Variants in DRC5 observed in about 807,000 individuals in gnomAD.
DRC5 encodes the protein T-complex-associated testis-expressed protein 1.
the DRC5 span, chr6:44,287,814 G>C: frequency 6.2e-7 from 1 of 1,613,640 alleles, no homozygotes; most frequent in Non-Finnish European, 8.5e-7. Context: ...ATGTCGTTAC[G>C]GTATCCTGCA....
the DRC5 span, among the ~76,000 whole-genome samples, chr6:44,293,620 G>T: frequency 2.6e-5 from 4 of 152,148 alleles, no homozygotes; most frequent in Non-Finnish European, 5.9e-5. Flanking sequence ...CCTACCTCTA[G>T]CCACAATACA....
the DRC5 span, among the ~76,000 whole-genome samples, chr6:44,295,244 G>A: frequency 6.6e-6 from 1 of 152,188 alleles, no homozygotes; most frequent in Non-Finnish European, 1.5e-5. Flanking sequence ...GGTACGTCTT[G>A]TGCCACCACC....
At chr6:44,286,404 T>C in the DRC5 span, 1 of 1,614,186 alleles carries the variant, frequency 6.2e-7, no homozygotes. Context: ...CAGCGATGCA[T>C]GCAGCAGCGG....
At chr6:44,287,218 G>A in the DRC5 span, 1 of 985,376 alleles carries the variant, frequency 1.0e-6, no homozygotes, top group Non-Finnish European at 1.2e-6. Flanking sequence ...TCAGAGTAGA[G>A]GGCGGTTCAC....
At chr6:44,286,811 G>A in the DRC5 span, among the ~76,000 whole-genome samples, 1 of 152,198 alleles carries the variant, frequency 6.6e-6, no homozygotes, top group Non-Finnish European at 1.5e-5. Flanking sequence ...ATTATCACCT[G>A]GTCTGATGGG....
the DRC5 span, among the ~76,000 whole-genome samples, chr6:44,291,174 C>T: frequency 6.6e-6 from 1 of 152,132 alleles, no homozygotes; most frequent in Non-Finnish European, 1.5e-5. Context: ...AACATCCATA[C>T]CATAAGGCCT....
the DRC5 span, chr6:44,287,169 G>C: frequency 1.3e-5 from 13 of 984,466 alleles, no homozygotes; most frequent in Non-Finnish European, 1.6e-5. Flanking sequence ...ACAAAATATG[G>C]AACAAACCAA....
chr6:44,287,519 C>A, the DRC5 span: 2 of 1,580,030 alleles, frequency 1.3e-6, no homozygotes, highest in South Asian at 2.3e-5. Flanking sequence ...TTGGCCTTCT[C>A]CTGCCCACCT....
the DRC5 span, among the ~76,000 whole-genome samples, chr6:44,295,868 T>C: frequency 6.6e-6 from 1 of 152,194 alleles, no homozygotes; most frequent in Non-Finnish European, 1.5e-5. Flanking sequence ...CTTAATAGTA[T>C]CTATTTCATA....
chr6:44,281,212 G>A, the DRC5 span, among the ~76,000 whole-genome samples: 2 of 152,170 alleles, frequency 1.3e-5, no homozygotes, highest in African/African-American at 2.4e-5. Flanking sequence ...AGAATTTCAC[G>A]TTGGGAGGCA....
At chr6:44,286,138 G>A in the DRC5 span, 10 of 1,613,860 alleles carry the variant, frequency 6.2e-6, no homozygotes, top group East Asian at 2.2e-5. Flanking sequence ...AGTGGTCAAC[G>A]GTGGGCTCCT....
the DRC5 span, chr6:44,285,823 G>T: frequency 2.6e-6 from 2 of 769,114 alleles, no homozygotes; most frequent in Non-Finnish European, 4.1e-6. Context: ...GTGTATCTTG[G>T]TGCAGGGTGC....
At chr6:44,288,731 T>G in the DRC5 span, among the ~76,000 whole-genome samples, 2 of 152,094 alleles carry the variant, frequency 1.3e-5, no homozygotes, top group African/African-American at 4.8e-5. Flanking sequence ...TGGTGGCTCA[T>G]GCCTGTAATC....
the DRC5 span, among the ~76,000 whole-genome samples, chr6:44,294,246 C>T: frequency 7.2e-5 from 11 of 152,166 alleles, no homozygotes; most frequent in East Asian, 5.8e-4. Context: ...CCTCCCAAAG[C>T]GCTGAGATTA....
the DRC5 span, among the ~76,000 whole-genome samples, chr6:44,295,264 C>T: frequency 3.9e-5 from 6 of 152,298 alleles, no homozygotes; most frequent in African/African-American, 7.2e-5. Context: ...CTGGTGTCTC[C>T]ATCCAAGGAT....
the DRC5 span, chr6:44,285,953 G>A: frequency 2.5e-6 from 4 of 1,603,854 alleles, no homozygotes; most frequent in Non-Finnish European, 3.4e-6. Flanking sequence ...AAGGCTGGGA[G>A]CAGACAGTAC....
At chr6:44,286,341 C>G in the DRC5 span, 10 of 1,613,836 alleles carry the variant, frequency 6.2e-6, no homozygotes, top group South Asian at 2.2e-5. Context: ...AGGTGCCGCT[C>G]GAAGAACATG....
the DRC5 span, among the ~76,000 whole-genome samples, chr6:44,289,307 G>A: frequency 2.0e-5 from 3 of 151,974 alleles, no homozygotes; most frequent in Non-Finnish European, 4.4e-5. Flanking sequence ...AAAGTGCTGG[G>A]ATTACAGGCG....
At chr6:44,283,279 C>T in the DRC5 span, among the ~76,000 whole-genome samples, 1 of 152,174 alleles carries the variant, frequency 6.6e-6, no homozygotes, top group African/African-American at 2.4e-5. Context: ...CAGCCCCTCA[C>T]TGCATCCTCC....
Sources: gnomAD v4.1 joint callset for allele counts (sites outside exome capture counted in the v4.1 genomes callset) on GRCh38, gnomAD v4.1.1 for gene constraint, MANE v1.5 for transcripts, NCBI Gene and HGNC (gene_info 2026-07-23, HGNC 2026-07-21) for gene names.